CD163: variants seen among roughly 807,000 people sequenced by gnomAD.
CD163 encodes CD163 molecule, also known as scavenger receptor cysteine-rich type 1 protein M130.
A neutral mutation model predicts 129.2 loss-of-function variants in CD163; 64 were observed. The observed-to-expected ratio is 0.50, with a 90% CI of 0.41 to 0.61. The LOEUF (loss-of-function observed/expected upper bound fraction) is 0.61. CD163 is among the 20% of genes least tolerant of loss of function. The pLI is 0.00. For synonymous variants in CD163, 446 were observed against 478.5 expected (o/e 0.93, Z 0.89); for missense variants, 1,061 against 1,377.9 (o/e 0.77, Z 3.64).
intron 15 of CD163, 31 bp downstream of exon 15, chr12:7,481,130 T>C (rs1467710853): frequency 1.9e-6 from 3 of 1,610,970 alleles, no homozygotes; most frequent in Non-Finnish European, 2.5e-6. Context: ...TCTGAACCCC[T>C]GGGCAATAGA....
intron 2 of CD163, 38 bp from the exon 3 acceptor site, chr12:7,501,500 G>T: frequency 2.0e-6 from 3 of 1,493,572 alleles, no homozygotes; most frequent in Non-Finnish European, 2.8e-6. Flanking sequence ...GGCCAAGGTC[G>T]CAAAGAGCAA....
In CD163 at chr12:7,483,505, A is replaced by G; in HGVS notation, c.2950T>C (p.Phe984Leu). 1 of 1,613,968 alleles carries G rather than the reference A, an allele frequency of 6.2e-7. No homozygotes were observed. The change falls in exon 12 of 17, where the codon TTT becomes CTT. Residue 984 changes from phenylalanine to leucine, a missense_variant. By Grantham distance (22) the Phe-to-Leu change is conservative. Transcript: ENST00000432237. ...PALKAFKEAE[F>L]GQGTGPIWLN... ...CATATCGGTCCAGTCCCCTGACCAA[A>G]CTCTGCTTCTTTGAATGCTTTCAAA...
chr12:7,477,706 A>G (rs951272143), intron 16 of CD163, among the ~76,000 whole-genome samples: 6 of 152,158 alleles, frequency 3.9e-5, no homozygotes, highest in African/African-American at 1.4e-4. Flanking sequence ...GTGTATACCT[A>G]TGTAACAAAC....
intron 14 of CD163, among the ~76,000 whole-genome samples, chr12:7,481,801 C>A (rs1949166020): frequency 6.6e-6 from 1 of 152,128 alleles, no homozygotes; most frequent in South Asian, 2.1e-4. Flanking sequence ...TCAGACTTAG[C>A]AGCCTCTCTC....
At chr12:7,483,049 T>C (rs910271007) in intron 12 of CD163, 45 bp from the exon 13 acceptor site, 3 of 1,583,916 alleles carry the variant, frequency 1.9e-6, no homozygotes, top group Non-Finnish European at 2.6e-6. Flanking sequence ...TTGCATGATA[T>C]ATAGAACAAG....
chr12:7,500,748 T>C (rs1207373959), intron 3 of CD163, among the ~76,000 whole-genome samples: 1 of 152,154 alleles, frequency 6.6e-6, no homozygotes, highest in African/African-American at 2.4e-5. Flanking sequence ...ATGGACAAAA[T>C]GGTAATAATT....
At chr12:7,479,381 T>C (rs1949130711) in intron 16 of CD163, among the ~76,000 whole-genome samples, 1 of 152,170 alleles carries the variant, frequency 6.6e-6, no homozygotes, top group Non-Finnish European at 1.5e-5. Flanking sequence ...TGCCTCTAGT[T>C]TGCACATACT....
At position 7,501,349 on chromosome 12, in the gene CD163, C is replaced by T. The variant is rs1255629684; in HGVS notation, c.247G>A (p.Glu83Lys). The T allele has an allele frequency of 1.2e-6, 2 of 1,614,144 alleles. No homozygotes were observed. Among genetic ancestry groups the T allele is most frequent in the Admixed American group, 1.7e-5 (1 of 60,010 alleles). ...TGGTTACAAATCACAGAGACCGCTT[C>T]CATGCTCCAGCCATTATTACACACC... ...GTVCNNGWSM[E>K]AVSVICNQLG... is the part of the protein sequence containing the mutation. Residue 83 changes from glutamate to lysine, a missense_variant, in exon 3 of 17, where the codon GAA becomes AAA. Transcript: ENST00000432237.
rs994900837 is a variant in CD163, at chr12:7,501,163, G to C, written c.433C>G (p.Gln145Glu). ...CCTGAGCAGGTCACTCCAGCATCTT[G>C]TTGGTGAGTACAGTTACTATGCTTT... ...WGKHSNCTHQQDAGVTCSDGS... is the reference protein window; with the variant it reads ...WGKHSNCTHQEDAGVTCSDGS... The change falls in exon 3 of 17, where the codon CAA (glutamine) becomes GAA (glutamate). Residue 145 changes from glutamine to glutamate, a missense_variant. Transcript: ENST00000432237. The C allele has an allele frequency of 6.2e-7, 1 of 1,614,126 alleles. No homozygotes were observed. Among genetic ancestry groups the C allele is most frequent in the Non-Finnish European group, 8.5e-7 (1 of 1,180,006 alleles).
chr12:7,495,902 T>C (rs762901047), intron 5 of CD163, among the ~76,000 whole-genome samples: 10 of 152,234 alleles, frequency 6.6e-5, no homozygotes, highest in South Asian at 2.1e-4. Context: ...TCAACCATTA[T>C]GGAAGACAGT....
chr12:7,483,718 AAGTTTCCAGG>A, intron 11 of CD163, 43 bp from the exon 12 acceptor site: 1 of 1,446,214 alleles, frequency 6.9e-7, no homozygotes, highest in East Asian at 2.3e-5. Context: ...AGACTTCTAA[AAGTTTCCAGG>A]AGTTCACAGG....
At position 7,487,310 on chromosome 12, in the gene CD163, T is replaced by C. The variant is rs150335436; in HGVS notation, c.2050+49A>G. 839 of 1,519,520 alleles carry C rather than the reference T, an allele frequency of 5.5e-4. 4 individuals carry two copies. In the African/African-American group the frequency reaches 0.011, roughly 19 times the overall value. The allele number at this position is 1,519,520 out of a possible 1,614,324, so 94.1% of individuals were successfully genotyped here. A position where few individuals can be genotyped will look rare whatever the true frequency, so the allele number is the denominator to read the frequency against. ...GTTTTACTTTTGTTCTTCATCCCTA[T>C]GTACACCTTCTCTTAAGACCCATCA... On this transcript the variant is annotated intron_variant, in intron 8 of 16. Coordinates refer to ENST00000432237, the MANE Select transcript of CD163 (RefSeq NM_203416.4). This position sits in a 1 kb window ranked among gnomAD's most constrained non-coding sequence, Gnocchi z 5.1.
intron 16 of CD163, among the ~76,000 whole-genome samples, chr12:7,478,306 C>T (rs935435523): frequency 1.3e-5 from 2 of 152,140 alleles, no homozygotes; most frequent in Non-Finnish European, 2.9e-5. Flanking sequence ...CCTACCATAT[C>T]TCACACTTCC....
In CD163 at chr12:7,487,579, A is replaced by G. The variant is rs1177607375; in HGVS notation, c.1830T>C (p.Ser610=). The change falls in exon 8 of 17, where the codon TCT becomes TCC. Residue 610 remains serine (S), a synonymous_variant. Coordinates refer to ENST00000432237, the MANE Select transcript of CD163 (RefSeq NM_203416.4). The surrounding 1 kb of genome is among the most constrained non-coding windows in gnomAD (Gnocchi z 5.1). The stretch of plus-strand genomic sequence containing the variant: ...CATGGGCATCTTCTATGTCCCAGTG[A>G]GAGTTACAGAGGGATCCCCAGGCAC... The part of the protein sequence containing the change: ...TLGAWGSLCN[S]HWDIEDAHVL... 6.2e-7 allele frequency: 1 copy of G among 1,614,138 alleles called. No homozygotes were observed. Among genetic ancestry groups the G allele is most frequent in the South Asian group, 1.1e-5 (1 of 91,076 alleles).
chr12:7,485,052 G>A lies in CD163; in HGVS notation c.2779+44C>T, dbSNP rs116730599. The A allele has an allele frequency of 4.0e-3, 5,866 of 1,476,022 alleles. 188 individuals are homozygous for A. The African/African-American group carries it at 0.067, about 17-fold the overall frequency. The allele number at this position is 1,476,022 out of a possible 1,614,324, so 91.4% of individuals were successfully genotyped here. ...GTGTCCATTATCAGAAGATGATAGC[G>A]GGGCTGCAGAATGGAATTTTCATAT... On this transcript the variant is annotated intron_variant, in intron 11 of 16. Coordinates refer to ENST00000432237, the MANE Select transcript of CD163 (RefSeq NM_203416.4). The surrounding 1 kb of genome is among the most constrained non-coding windows in gnomAD (Gnocchi z 4.5).
chr12:7,496,886 G>C lies in CD163; in HGVS notation c.1026C>G (p.Ile342Met), dbSNP rs1252072575. ...SVSCQGHEPAIWQCKHHEWGK... is the reference protein window; with the variant it reads ...SVSCQGHEPAMWQCKHHEWGK... ...CCCATTCATGGTGTTTACATTGCCA[G>C]ATAGCAGGTTCATGTCCCTGGCAAG... Residue 342 changes from isoleucine to methionine, a missense_variant, in exon 5 of 17, where the codon ATC (isoleucine) becomes ATG (methionine). Ile to Met is a conservative substitution (Grantham distance 10). Transcript: ENST00000432237. The surrounding 1 kb of genome is among the most constrained non-coding windows in gnomAD (Gnocchi z 4.8). 3 of 1,613,948 alleles carry C rather than the reference G, an allele frequency of 1.9e-6. No individual in the cohort carries two copies. In the East Asian group the frequency reaches 6.7e-5, roughly 36 times the overall value.
At chr12:7,502,908 A>G (rs1949514423) in intron 1 of CD163, among the ~76,000 whole-genome samples, 1 of 152,316 alleles carries the variant, frequency 6.6e-6, no homozygotes, top group Non-Finnish European at 1.5e-5. Context: ...CAGGGAAGGT[A>G]TCCTGAGATT....
rs749059052 is a variant in CD163, at chr12:7,487,004, C to G, written c.2051-18G>C. The G allele has an allele frequency of 1.3e-6, 2 of 1,596,628 alleles. No individual in the cohort carries two copies. The highest frequency in any genetic ancestry group is 4.5e-5 in the East Asian group (2 of 44,726). ...CTGGTTTCCTGCAAACACCAAGGTA[C>G]TCAGTCATACAAGACACAAAAGGTT... On this transcript the variant is annotated intron_variant, in intron 8 of 16. Coordinates refer to ENST00000432237, the MANE Select transcript of CD163 (RefSeq NM_203416.4). This position sits in a 1 kb window ranked among gnomAD's most constrained non-coding sequence, Gnocchi z 5.1.
At position 7,483,408 on chromosome 12, in the gene CD163, C is replaced by G. The variant is rs755265817; in HGVS notation, c.3047G>C (p.Ser1016Thr). ...AGCGTCTTCCTTGTGCCCACACTCA[C>G]TATGGCCCCAGCGTCTGGCAGGACA... is the stretch of plus-strand genomic sequence containing the variant. ...WDCPARRWGH[S>T]ECGHKEDAAV... Residue 1016 changes from serine (S) to threonine (T), a missense_variant, in exon 12 of 17, where the codon AGT (serine) becomes ACT (threonine). By Grantham distance (58) the Ser-to-Thr change is moderately conservative (BLOSUM62 1). Transcript: ENST00000432237. The G allele has an allele frequency of 3.7e-6, 6 of 1,614,094 alleles. No homozygotes were observed. In the South Asian group the frequency reaches 6.6e-5, roughly 18 times the overall value.
Sources: allele counts gnomAD v4.1 joint callset (sites outside exome capture counted in the v4.1 genomes callset), GRCh38; gene constraint gnomAD v4.1.1; non-coding constraint Gnocchi (gnomAD v3.1); transcripts MANE v1.5; gene names NCBI Gene and HGNC (gene_info 2026-07-23, HGNC 2026-07-21).